LRRC37A: variants seen among roughly 807,000 people sequenced by gnomAD.
The protein encoded by LRRC37A is leucine rich repeat containing 37A.
Under a neutral mutation model 35.4 loss-of-function variants are expected in LRRC37A, and 3 were observed. The ratio of observed to expected loss-of-function variants is 0.08; its 90% confidence interval spans 0.04 to 0.22. The LOEUF (loss-of-function observed/expected upper bound fraction) is 0.22. Ranked by LOEUF, LRRC37A falls within the 10% of genes least tolerant of loss-of-function variation. The pLI is 1.00. For missense variants in LRRC37A, 67 were observed against 565.3 expected (o/e 0.12, Z 8.94); for synonymous variants, 23 against 215.0 (o/e 0.11, Z 7.81).
At chr17:46,276,796 T>TTTC in the LRRC37A span, among the ~76,000 whole-genome samples, 1 of 151,402 alleles carries the variant, frequency 6.6e-6, no homozygotes, top group Non-Finnish European at 1.5e-5. Flanking sequence ...TTTTCTTTTT[T>TTTC]TTTTTTTTTT....
At chr17:46,274,117 A>T in the LRRC37A span, among the ~76,000 whole-genome samples, 3 of 152,232 alleles carry the variant, frequency 2.0e-5, no homozygotes, top group Non-Finnish European at 2.9e-5. Flanking sequence ...TTTGCCTTTC[A>T]TGACCTTGCA....
At chr17:46,285,272 A>G in the LRRC37A span, among the ~76,000 whole-genome samples, 2 of 142,014 alleles carry the variant, frequency 1.4e-5, no homozygotes, top group East Asian at 2.1e-4. Flanking sequence ...ACAGAGTCTC[A>G]CACTGTCACC....
chr17:46,288,054 T>C (rs2049965380), upstream of LRRC37A, among the ~76,000 whole-genome samples: 1 of 152,156 alleles, frequency 6.6e-6, no homozygotes, highest in Non-Finnish European at 1.5e-5. Context: ...TCTTGGTAGA[T>C]TCACCTAGAG....
the LRRC37A span, among the ~76,000 whole-genome samples, chr17:46,257,424 G>A: frequency 7.1e-6 from 1 of 140,990 alleles, no homozygotes; most frequent in Non-Finnish European, 1.5e-5. Flanking sequence ...CTGCACTCTA[G>A]CCCAGGCAAC....
chr17:46,334,725 T>C lies in LRRC37A; in HGVS notation c.4810-820T>C, dbSNP rs1487881316. On this transcript the variant is annotated intron_variant, in intron 10 of 13. Transcript: ENST00000320254. The stretch of plus-strand genomic sequence containing the variant: ...ATTAGGAATTATCTGTTGAATGTTA[T>C]CTAAAACAGTCAATAAAATGTATTA... 4 of 74,162 alleles carry C rather than the reference T, an allele frequency of 5.4e-5. No individual in the cohort carries two copies. In the South Asian group the frequency reaches 1.8e-3, roughly 33 times the overall value. 4.6% of individuals were successfully genotyped at this position (74,162 alleles called of 1,614,324 possible).
chr17:46,313,131 GCAAA>G (rs2050900070), intron 5 of LRRC37A, among the ~76,000 whole-genome samples: 1 of 47,624 alleles, frequency 2.1e-5, no homozygotes, highest in Non-Finnish European at 4.0e-5. Flanking sequence ...AGGTTGTATA[GCAAA>G]CAATCACCAT....
chr17:46,283,667 G>A, the LRRC37A span, among the ~76,000 whole-genome samples: 112 of 152,320 alleles, frequency 7.4e-4, no homozygotes, highest in African/African-American at 2.6e-3. Flanking sequence ...TAAGTGGAAC[G>A]AGAGACTTGG....
upstream of LRRC37A, among the ~76,000 whole-genome samples, chr17:46,289,705 C>T (rs575003690): frequency 2.6e-5 from 4 of 152,336 alleles, no homozygotes; most frequent in South Asian, 8.3e-4. Context: ...CAAAACGTTT[C>T]ATCATGATTA....
At chr17:46,282,944 C>A in the LRRC37A span, among the ~76,000 whole-genome samples, 5 of 151,260 alleles carry the variant, frequency 3.3e-5, no homozygotes, top group Non-Finnish European at 7.4e-5. Context: ...CACAGTGAAA[C>A]CTCATCTCTA....
the LRRC37A span, among the ~76,000 whole-genome samples, chr17:46,261,217 AT>A: frequency 4.4e-5 from 5 of 113,106 alleles, no homozygotes; most frequent in African/African-American, 5.3e-5. Flanking sequence ...GGAAATAAAA[AT>A]TTTTTTTTAG....
At chr17:46,282,358 C>T in the LRRC37A span, among the ~76,000 whole-genome samples, 6 of 151,860 alleles carry the variant, frequency 4.0e-5, no homozygotes, top group African/African-American at 1.5e-4. Context: ...CCCACTCGGC[C>T]TCCCAAAGTG....
At chr17:46,248,136 G>GA in the LRRC37A span, among the ~76,000 whole-genome samples, 2 of 151,906 alleles carry the variant, frequency 1.3e-5, no homozygotes, top group Non-Finnish European at 2.9e-5. Flanking sequence ...ACATTCTCAT[G>GA]ATGACCGTTG....
At chr17:46,251,749 T>C in the LRRC37A span, among the ~76,000 whole-genome samples, 2 of 150,508 alleles carry the variant, frequency 1.3e-5, no homozygotes, top group African/African-American at 2.4e-5. Flanking sequence ...TGATTTCTTC[T>C]TTGTCCCCAT....
At chr17:46,291,823 GC>G (rs1346833361), upstream of LRRC37A, among the ~76,000 whole-genome samples, 3 of 152,018 alleles carry the variant, frequency 2.0e-5, no homozygotes, top group Non-Finnish European at 4.4e-5. Flanking sequence ...AGAGATGGTG[GC>G]ATGGCACGCG....
the LRRC37A span, among the ~76,000 whole-genome samples, chr17:46,285,613 A>C: frequency 3.9e-5 from 6 of 152,334 alleles, no homozygotes; most frequent in South Asian, 1.2e-3. Context: ...TGGGAGTGAG[A>C]GGAAGTTTCT....
chr17:46,275,519 G>T, the LRRC37A span: 1 of 584,944 alleles, frequency 1.7e-6, no homozygotes, highest in Non-Finnish European at 3.1e-6. Flanking sequence ...AAGCAGCCAT[G>T]TTCTTTCATT....
At chr17:46,259,854 G>A in the LRRC37A span, 1 of 1,562,052 alleles carries the variant, frequency 6.4e-7, no homozygotes, top group Non-Finnish European at 8.7e-7. Context: ...GAGCCCCTTG[G>A]GACCCTAACT....
the LRRC37A span, among the ~76,000 whole-genome samples, chr17:46,250,072 C>G: frequency 0.15 from 22,048 of 151,668 alleles, 2,206 homozygotes; most frequent in Non-Finnish European, 0.22. Context: ...GCTGGGATTA[C>G]AGGCGTGAGC....
the LRRC37A span, among the ~76,000 whole-genome samples, chr17:46,264,522 T>G: frequency 6.6e-6 from 1 of 152,254 alleles, no homozygotes; most frequent in African/African-American, 2.4e-5. Context: ...ATAACTTGGC[T>G]TCCTGTGTGG....
Sources: gnomAD v4.1 joint callset for allele counts (sites outside exome capture counted in the v4.1 genomes callset) on GRCh38, gnomAD v4.1.1 for gene constraint, MANE v1.5 for transcripts, NCBI Gene and HGNC (gene_info 2026-07-23, HGNC 2026-07-21) for gene names.